POLR1C: variants seen among roughly 807,000 people sequenced by gnomAD.
POLR1C encodes RNA polymerase I and III subunit C.
In POLR1C, 42 loss-of-function variants were observed where a neutral mutation model predicts 38.3. That is an observed-to-expected ratio of 1.10 (90% CI 0.86 to 1.42). The LOEUF is 1.42. Ranked by LOEUF, POLR1C falls within the 40% of genes most tolerant of loss-of-function variation. The pLI is 0.00. For synonymous variants in POLR1C, 163 were observed against 163.9 expected, an observed-to-expected ratio of 0.99 and a Z score of 0.04; for missense variants, 507 against 450.5, an observed-to-expected ratio of 1.13 and a Z score of -1.14.
In POLR1C at chr6:43,519,799, A is replaced by C; in HGVS notation, c.343A>C (p.Ile115Leu). ...ILAHRLGLIP[I>L]HADPRLFEYR... ...TGCTCACCGTCTGGGGCTCATTCCC[A>C]TTCATGCTGATCCCCGTCTTTTTGA... Residue 115 changes from isoleucine (I) to leucine (L), a missense_variant, in exon 4 of 9, where the codon ATT becomes CTT. Ile to Leu is a conservative substitution (Grantham distance 5, BLOSUM62 2). Coordinates refer to ENST00000642195, the MANE Select transcript of POLR1C (RefSeq NM_203290.4). 6.2e-7 allele frequency: 1 copy of C among 1,614,184 alleles called. No homozygotes were observed.
downstream of POLR1C, chr6:43,525,890 G>T: frequency 6.2e-7 from 1 of 1,613,994 alleles, no homozygotes. Context: ...CCATAGCTGA[G>T]GGGGTGACCT....
At chr6:43,526,536 A>G in intron 8 of POLR1C, 1 of 810,010 alleles carries the variant, frequency 1.2e-6, no homozygotes, top group Non-Finnish European at 2.0e-6. Context: ...AGTATGATGG[A>G]GGCACACAGC....
chr6:43,531,165 T>A (rs576805521), downstream of POLR1C, among the ~76,000 whole-genome samples: 1 of 152,326 alleles, frequency 6.6e-6, no homozygotes, highest in South Asian at 2.1e-4. Context: ...ATGAGAAGTA[T>A]GCCGCAAGCA....
rs528648301 is a variant in POLR1C at position 43,528,250 on chromosome 6, T to A, written c.923-999T>A. Reference sequence around the variant, plus strand: ...ATAAATGCTAGAATTGGGGAAAGGATTGGAACACATAATATCTAAAGTCAA... The same window carrying A: ...ATAAATGCTAGAATTGGGGAAAGGAATGGAACACATAATATCTAAAGTCAA... On this transcript the variant is annotated intron_variant, in intron 8 of 8. Transcript: ENST00000304004. 1.0e-5 allele frequency: 16 copies of A among 1,540,930 alleles called. No individual in the cohort carries two copies. In the Admixed American group the frequency reaches 2.5e-4, roughly 24 times the overall value.
At chr6:43,550,914 T>G (rs984712785) in intron 9 of POLR1C, 1 of 156,362 alleles carries the variant, frequency 6.4e-6, no homozygotes, top group Non-Finnish European at 1.4e-5. Context: ...TATACAAGTC[T>G]TCATTGCAAT....
At chr6:43,524,556 C>A, downstream of POLR1C, 2 of 1,613,998 alleles carry the variant, frequency 1.2e-6, no homozygotes, top group Non-Finnish European at 1.7e-6. Flanking sequence ...TAAAAGCTTG[C>A]AGTCAAACTG....
chr6:43,526,787 A>G, intron 8 of POLR1C: 11 of 1,600,842 alleles, frequency 6.9e-6, no homozygotes, highest in Non-Finnish European at 9.4e-6. Flanking sequence ...AAGGGTGGGT[A>G]TATACTACCA....
At chr6:43,519,674 T>G (rs1393526826) in intron 3 of POLR1C, 32 bp from the exon 4 acceptor site, 17 of 1,614,174 alleles carry the variant, frequency 1.1e-5, no homozygotes, top group Non-Finnish European at 1.1e-5. Flanking sequence ...TGTTGGGTTT[T>G]TGCAGATAAG....
chr6:43,561,382 C>CTT, intron 10 of POLR1C: 1 of 163,340 alleles, frequency 6.1e-6, no homozygotes, highest in Admixed American at 6.1e-5. Flanking sequence ...AGTTTCTTTT[C>CTT]TTTTTTTTTT....
chr6:43,518,490 A>G (rs1056261186), intron 2 of POLR1C, among the ~76,000 whole-genome samples: 29 of 152,260 alleles, frequency 1.9e-4, no homozygotes, highest in African/African-American at 6.7e-4. Flanking sequence ...GCATGCTTGA[A>G]ATGAGATCAG....
At chr6:43,525,319 C>A (rs1004943943), downstream of POLR1C, 88 of 1,091,992 alleles carry the variant, frequency 8.1e-5, no homozygotes, top group South Asian at 1.1e-4. Flanking sequence ...TCCTCCCCCC[C>A]TCTAAAGATG....
chr6:43,539,325 A>T, intron 9 of POLR1C: 4 of 1,573,332 alleles, frequency 2.5e-6, no homozygotes, highest in Admixed American at 1.7e-5. Context: ...ATAGCAACAA[A>T]CGCCTTGAAC....
chr6:43,525,853 G>A (rs1344694979), downstream of POLR1C: 1 of 1,614,056 alleles, frequency 6.2e-7, no homozygotes, highest in Non-Finnish European at 8.5e-7. Context: ...TGCTTCATCA[G>A]ACATTTGCCC....
intron 9 of POLR1C, among the ~76,000 whole-genome samples, chr6:43,538,067 A>G (rs1301225168): frequency 5.8e-5 from 8 of 139,078 alleles, no homozygotes; most frequent in African/African-American, 2.2e-4. Flanking sequence ...CATGGGTGAC[A>G]GAACAAGATG....
At position 43,556,523 on chromosome 6, in the gene POLR1C, CAAAAAAAAA is replaced by C. The variant is rs539768315; in HGVS notation, c.*49-4866_*49-4858del. Among the ~76,000 whole-genome samples, 3 of 71,988 alleles carry C rather than the reference CAAAAAAAAA, an allele frequency of 4.2e-5. No individual in the cohort carries two copies. The South Asian group carries it at 1.5e-3, about 36-fold the overall frequency. 47.2% of individuals were successfully genotyped at this position (71,988 alleles called of 152,430 possible). On this transcript the variant is annotated intron_variant, in intron 10 of 10. Transcript: ENST00000607635. ...TGGACAACAGAGTGAGACCATGTCTCAAAAAAAAAAAAAAAAAAATTTTTAAAAAGTAAA... is the reference window on the plus strand; with the variant it reads ...TGGACAACAGAGTGAGACCATGTCTCAAAAAAAAAATTTTTAAAAAGTAAA...
chr6:43,558,448 A>G, intron 10 of POLR1C: 1 of 1,467,338 alleles, frequency 6.8e-7, no homozygotes. Context: ...GATTCATAAT[A>G]CTAGATGCCA....
chr6:43,533,849 A>T (rs952431749), downstream of POLR1C: 1 of 1,317,490 alleles, frequency 7.6e-7, no homozygotes, highest in Admixed American at 1.9e-5. Flanking sequence ...CAACAAAAAA[A>T]GGGGACATCC....
chr6:43,562,135 T>C (rs1027471645), exon 11 of POLR1C: 4 of 721,528 alleles, frequency 5.5e-6, no homozygotes, highest in African/African-American at 3.5e-5. Context: ...TGTATGGCAC[T>C]GCCCCATCAG....
chr6:43,553,510 A>AACACACACACACACAT (rs774794410), intron 10 of POLR1C: 3 of 1,503,446 alleles, frequency 2.0e-6, no homozygotes, highest in East Asian at 2.6e-5. Context: ...CAAGCTTTAA[A>AACACACACACACACAT]ACACACACAC....
Sources: allele counts gnomAD v4.1 joint callset (sites outside exome capture counted in the v4.1 genomes callset), GRCh38; gene constraint gnomAD v4.1.1; transcripts MANE v1.5; gene names NCBI Gene and HGNC (gene_info 2026-07-23, HGNC 2026-07-21).